NRK: variants seen among roughly 807,000 people sequenced by gnomAD.
The protein encoded by NRK is nik-related protein kinase.
NRK carries 67 observed loss-of-function variants against 125.2 expected under a neutral mutation model. The observed-to-expected ratio is 0.54, with a 90% CI of 0.44 to 0.66. The LOEUF is 0.66. Ranked by LOEUF, NRK falls within the 30% of genes least tolerant of loss-of-function variation. The pLI, the probability that NRK is intolerant of heterozygous loss-of-function variation, is 0.00. For missense variants in NRK, 1,224 were observed against 1,192.9 expected, an observed-to-expected ratio of 1.03 and a Z score of -0.38; for synonymous variants, 458 against 429.0, an observed-to-expected ratio of 1.07 and a Z score of -0.84.
At chrX:105,828,626 G>A (rs1443815151) in intron 1 of NRK, among the ~76,000 whole-genome samples, 2 of 111,519 alleles carry the variant, frequency 1.8e-5, no homozygotes, top group Non-Finnish European at 3.8e-5. Context: ...TGATTATTTT[G>A]ACAGATGGCC....
At chrX:105,907,118 T>C (rs1196804838) in intron 11 of NRK, 6 of 110,983 alleles carry the variant, frequency 5.4e-5, no homozygotes, top group African/African-American at 2.0e-4. Flanking sequence ...AACTGATTTA[T>C]ACAAATAAAC....
At chrX:105,954,182 G>A (rs1419557104) in intron 28 of NRK, among the ~76,000 whole-genome samples, 1 of 111,467 alleles carries the variant, frequency 9.0e-6, no homozygotes, top group African/African-American at 3.3e-5. Context: ...CATCAGATAT[G>A]TTAAGTCAAG....
At chrX:105,955,116 T>C (rs1444360497) in intron 28 of NRK, among the ~76,000 whole-genome samples, 1 of 111,323 alleles carries the variant, frequency 9.0e-6, no homozygotes, top group Non-Finnish European at 1.9e-5. Flanking sequence ...TAAGCAGCAA[T>C]GGTAAACAAC....
intron 2 of NRK, among the ~76,000 whole-genome samples, chrX:105,849,036 C>T (rs1294953004): frequency 9.0e-6 from 1 of 111,686 alleles, no homozygotes; most frequent in East Asian, 2.8e-4. Context: ...CTGTATTGTG[C>T]CTTATGCGGC....
chrX:105,839,979 A>G (rs2039310043), intron 2 of NRK, among the ~76,000 whole-genome samples: 1 of 111,697 alleles, frequency 9.0e-6, no homozygotes, highest in African/African-American at 3.2e-5. Context: ...AATATTTGCA[A>G]TGGGGGTGAA....
intron 13 of NRK, 150 bp downstream of exon 13, chrX:105,910,032 T>C (rs975440024): frequency 2.3e-6 from 1 of 442,018 alleles, no homozygotes; most frequent in African/African-American, 2.5e-5. Context: ...TTCAAATAAA[T>C]TTTCATGAAA....
chrX:105,849,407 G>C lies in NRK; in HGVS notation c.123+18288G>C, dbSNP rs769671301. Among the ~76,000 whole-genome samples the C allele has an allele frequency of 9.0e-5, 10 of 110,767 alleles. No homozygotes were observed. The East Asian group carries it at 2.9e-3, about 32-fold the overall frequency. ...GAGAGACAGCCAAACCATATCATAC[G>C]GCCCCTGGCCCCTCCAAATCTCATG... is the stretch of plus-strand genomic sequence containing the variant. On this transcript the variant is annotated intron_variant, in intron 2 of 28. Transcript: ENST00000243300.
intron 9 of NRK, among the ~76,000 whole-genome samples, chrX:105,904,155 A>G (rs2040192030): frequency 1.8e-5 from 2 of 111,786 alleles, no homozygotes; most frequent in Admixed American, 1.9e-4. Context: ...AGTCATTAAT[A>G]TCAAATTATC....
chrX:105,916,900 A>G (rs1438354212), intron 15 of NRK, among the ~76,000 whole-genome samples: 2 of 111,909 alleles, frequency 1.8e-5, no homozygotes, highest in African/African-American at 6.5e-5. Flanking sequence ...TAAATTTAAA[A>G]AGTTAACTTA....
chrX:105,953,188 C>T lies in NRK; in HGVS notation c.4653+15C>T. 1 of 1,081,611 alleles carries T rather than the reference C, an allele frequency of 9.2e-7. No individual in the cohort carries two copies. The highest frequency in any genetic ancestry group is 1.2e-6 in the Non-Finnish European group (1 of 819,335). 89.1% of individuals were successfully genotyped at this position (1,081,611 alleles called of 1,213,427 possible). On this transcript the variant is annotated intron_variant, in intron 28 of 28. Transcript: ENST00000243300. ...GGGGTGACAAGGTATAGCTTACACC[C>T]TCCAGTTACAGCAAAAATAACGCAA... is the stretch of plus-strand genomic sequence containing the variant.
chrX:105,955,806 T>C lies in NRK; in HGVS notation c.*206T>C, dbSNP rs2040969264. The C allele has an allele frequency of 3.0e-6, 1 of 330,640 alleles. No homozygotes were observed. The highest frequency in any genetic ancestry group is 4.8e-5 in the Admixed American group (1 of 20,994). The allele number at this position is 330,640 out of a possible 1,213,427, so 27.2% of individuals were successfully genotyped here. A position where few individuals can be genotyped will look rare whatever the true frequency, so the allele number is the denominator to read the frequency against. Reference sequence around the variant, plus strand: ...CTATAGCAAGCTCTAGGTACTCCAATGGTGTACAATGTCTTTTGCACAAAC... The same window carrying C: ...CTATAGCAAGCTCTAGGTACTCCAACGGTGTACAATGTCTTTTGCACAAAC... On this transcript the variant is annotated 3_prime_UTR_variant, in exon 29 of 29. Coordinates refer to ENST00000243300, the MANE Select transcript of NRK (RefSeq NM_198465.4).
chrX:105,939,924 A>G lies in NRK; in HGVS notation c.3850A>G (p.Ile1284Val), dbSNP rs757262930. The change falls in exon 23 of 29, where the codon ATT (isoleucine) becomes GTT (valine). Residue 1284 changes from isoleucine (I) to valine (V), a missense_variant. By Grantham distance (29) the Ile-to-Val change is conservative. Transcript: ENST00000243300. The part of the protein sequence containing the change: ...VYHLTWLRNK[I>V]LNNDPESKRR... ...TCATCTGACCTGGTTGAGGAACAAG[A>G]TTTTGAATAATGATCCAGAAAGTAA... The G allele has an allele frequency of 1.7e-6, 2 of 1,190,388 alleles. No homozygotes were observed. The highest frequency in any genetic ancestry group is 3.6e-5 in the South Asian group (2 of 55,499).
chrX:105,939,482 C>G (rs917109371), intron 22 of NRK, among the ~76,000 whole-genome samples: 3 of 111,118 alleles, frequency 2.7e-5, no homozygotes, highest in Non-Finnish European at 5.7e-5. Context: ...ATTCAGCCAC[C>G]CCTCTCGTAC....
At chrX:105,908,678 T>C (rs1215407809) in intron 12 of NRK, 49 bp from the exon 13 acceptor site, 2 of 1,140,816 alleles carry the variant, frequency 1.8e-6, no homozygotes. Flanking sequence ...ATGGCTCCAT[T>C]CCACTAAAAA....
chrX:105,938,347 C>T (rs536746188), intron 22 of NRK, among the ~76,000 whole-genome samples: 12 of 111,571 alleles, frequency 1.1e-4, no homozygotes, highest in Middle Eastern at 4.7e-3. Flanking sequence ...ATAATTAGTG[C>T]ACAAATTGCC....
intron 2 of NRK, among the ~76,000 whole-genome samples, chrX:105,859,313 A>AAT (rs1211458380): frequency 2.7e-5 from 3 of 111,629 alleles, no homozygotes; most frequent in Non-Finnish European, 5.6e-5. Flanking sequence ...ACCTATATAG[A>AAT]ATAGTAAAAT....
chrX:105,938,509 C>G (rs940699223), intron 22 of NRK, among the ~76,000 whole-genome samples: 1 of 111,205 alleles, frequency 9.0e-6, no homozygotes, highest in East Asian at 2.8e-4. Flanking sequence ...GTTTAAGGTA[C>G]GTAGAAGTAA....
intron 11 of NRK, 45 bp from the exon 12 acceptor site, chrX:105,908,195 C>G (rs770926678): frequency 8.0e-6 from 6 of 746,714 alleles, no homozygotes; most frequent in Non-Finnish European, 1.2e-5. Flanking sequence ...ACATGCTTAT[C>G]TGCTGACTGT....
upstream of NRK, chrX:105,822,500 C>T (rs1032723009): frequency 6.8e-6 from 2 of 295,894 alleles, no homozygotes; most frequent in Non-Finnish European, 1.2e-5. Flanking sequence ...CTTGCACCGC[C>T]CCCCTCCCCA....
Sources: gnomAD v4.1 joint callset for allele counts (sites outside exome capture counted in the v4.1 genomes callset) on GRCh38, gnomAD v4.1.1 for gene constraint, MANE v1.5 for transcripts, NCBI Gene and HGNC (gene_info 2026-07-23, HGNC 2026-07-21) for gene names.